Variants in CNTNAP5 observed in about 807,000 individuals in gnomAD.
CNTNAP5 encodes the protein contactin associated protein family member 5.
A neutral mutation model predicts 150.2 loss-of-function variants in CNTNAP5; 72 were observed. That is an observed-to-expected ratio of 0.48 (90% CI 0.40 to 0.58). The LOEUF is 0.58. CNTNAP5 is among the 20% of genes least tolerant of loss of function. The pLI is 0.00. For missense variants in CNTNAP5, 1,636 were observed against 1,626.2 expected, an observed-to-expected ratio of 1.01 and a Z score of -0.10; for synonymous variants, 672 against 619.8, an observed-to-expected ratio of 1.08 and a Z score of -1.25.
chr2:124,299,115 C>T (rs770341385), intron 3 of CNTNAP5, among the ~76,000 whole-genome samples: 28 of 152,090 alleles, frequency 1.8e-4, no homozygotes, highest in Non-Finnish European at 3.8e-4. Flanking sequence ...AGAGAGAATC[C>T]TGCTAGTATA....
chr2:124,075,537 G>C (rs917602445), intron 1 of CNTNAP5, among the ~76,000 whole-genome samples: 5 of 152,144 alleles, frequency 3.3e-5, no homozygotes, highest in Admixed American at 2.0e-4. Context: ...AAGGTCAGCT[G>C]TTTGGTCTCC....
chr2:124,173,905 C>T (rs1205721958), intron 1 of CNTNAP5, among the ~76,000 whole-genome samples: 2 of 152,130 alleles, frequency 1.3e-5, no homozygotes, highest in African/African-American at 2.4e-5. Flanking sequence ...AGAACAGGCT[C>T]TTTCTAGGGG....
chr2:124,606,791 C>T (rs139140653), intron 11 of CNTNAP5, among the ~76,000 whole-genome samples: 200 of 152,284 alleles, frequency 1.3e-3, no homozygotes, highest in African/African-American at 4.7e-3. Flanking sequence ...CGTTAACTAT[C>T]ATGAGAGCAG....
At chr2:124,740,746 C>A (rs967217180) in intron 13 of CNTNAP5, among the ~76,000 whole-genome samples, 6 of 152,272 alleles carry the variant, frequency 3.9e-5, no homozygotes, top group South Asian at 2.1e-4. Flanking sequence ...ATACAACATG[C>A]AGTCCTTATT....
At chr2:124,721,526 A>T (rs11123061) in intron 13 of CNTNAP5, among the ~76,000 whole-genome samples, 23,669 of 143,878 alleles carry the variant, frequency 0.16, 2,185 homozygotes, top group East Asian at 0.24. Flanking sequence ...AATAAATATT[A>T]AAAAAACAAA....
intron 14 of CNTNAP5, among the ~76,000 whole-genome samples, chr2:124,757,845 T>A (rs571698766): frequency 6.7e-4 from 102 of 152,238 alleles, no homozygotes; most frequent in South Asian, 1.0e-3. Flanking sequence ...TCTTATTTTT[T>A]AAAAAATAGT....
chr2:124,644,646 T>A (rs1210031440), intron 12 of CNTNAP5, among the ~76,000 whole-genome samples: 1 of 152,164 alleles, frequency 6.6e-6, no homozygotes, highest in Non-Finnish European at 1.5e-5. Context: ...TCAGATTGGA[T>A]GCACTGAGAC....
intron 1 of CNTNAP5, among the ~76,000 whole-genome samples, chr2:124,041,546 G>T (rs1681372502): frequency 6.6e-6 from 1 of 152,112 alleles, no homozygotes; most frequent in African/African-American, 2.4e-5. Flanking sequence ...TTTAGTTTGT[G>T]CTTCTTTTTT....
intron 1 of CNTNAP5, among the ~76,000 whole-genome samples, chr2:124,123,369 A>G (rs1683613889): frequency 6.6e-6 from 1 of 152,130 alleles, no homozygotes; most frequent in Non-Finnish European, 1.5e-5. Context: ...GGCGTCCACC[A>G]TTGCTGAGGC....
chr2:124,627,522 CAA>C (rs3039905), intron 12 of CNTNAP5, among the ~76,000 whole-genome samples: 21 of 132,008 alleles, frequency 1.6e-4, no homozygotes, highest in Admixed American at 3.1e-4. Context: ...ACAACAACAT[CAA>C]AAAAAAAAAA....
intron 5 of CNTNAP5, among the ~76,000 whole-genome samples, chr2:124,438,176 T>C (rs576991216): frequency 2.5e-4 from 38 of 152,316 alleles, no homozygotes; most frequent in African/African-American, 8.9e-4. Flanking sequence ...GGTTCCTCTT[T>C]GCCTACTTTC....
chr2:124,079,547 G>C (rs1360470681), intron 1 of CNTNAP5, among the ~76,000 whole-genome samples: 1 of 152,072 alleles, frequency 6.6e-6, no homozygotes, highest in South Asian at 2.1e-4. Context: ...TGTACAAATC[G>C]TTTCAAACAG....
chr2:124,617,894 C>T (rs1677523523), intron 12 of CNTNAP5, among the ~76,000 whole-genome samples: 1 of 152,094 alleles, frequency 6.6e-6, no homozygotes, highest in Non-Finnish European at 1.5e-5. Context: ...GATAATGCCT[C>T]TGAAACCTGA....
At position 124,434,536 on chromosome 2, in the gene CNTNAP5, T is replaced by C; in HGVS notation, c.582T>C (p.Asn194=). The change falls in exon 5 of 24, where the codon AAT becomes AAC. Residue 194 remains asparagine (N), a synonymous_variant. Transcript: ENST00000682447. ...GAAGCTCACTTCTGTACAGGTTCAA[T>C]CAGAAGTTGATGAGTACTCTCAAAG... ...DGRSSLLYRF[N]QKLMSTLKDV... 6.2e-7 allele frequency: 1 copy of C among 1,613,986 alleles called. No homozygotes were observed. Among genetic ancestry groups the C allele is most frequent in the Non-Finnish European group, 8.5e-7 (1 of 1,179,840 alleles).
intron 13 of CNTNAP5, among the ~76,000 whole-genome samples, chr2:124,652,000 C>A (rs1678333402): frequency 6.6e-6 from 1 of 152,184 alleles, no homozygotes; most frequent in Admixed American, 6.5e-5. Context: ...AAGAGACAGG[C>A]AGGATAAGGT....
intron 1 of CNTNAP5, among the ~76,000 whole-genome samples, chr2:124,217,868 T>A (rs889391095): frequency 6.6e-6 from 1 of 152,158 alleles, no homozygotes; most frequent in Non-Finnish European, 1.5e-5. Context: ...CTGGATATGA[T>A]GAAAATGACT....
intron 11 of CNTNAP5, among the ~76,000 whole-genome samples, chr2:124,598,726 G>A (rs10209617): frequency 0.42 from 62,876 of 149,408 alleles, 13,107 homozygotes; most frequent in East Asian, 0.79. Flanking sequence ...GGCAATGGCG[G>A]GCGCCCCTCC....
intron 4 of CNTNAP5, among the ~76,000 whole-genome samples, chr2:124,425,265 T>TA (rs1388751497): frequency 6.6e-6 from 1 of 152,150 alleles, no homozygotes; most frequent in African/African-American, 2.4e-5. Flanking sequence ...ATCTTTTTAT[T>TA]AAAAAAACAG....
At chr2:124,855,167 C>CTTTT (rs70999224) in intron 19 of CNTNAP5, among the ~76,000 whole-genome samples, 11 of 71,480 alleles carry the variant, frequency 1.5e-4, no homozygotes, top group Non-Finnish European at 2.8e-4. Context: ...TGGGCTTTTG[C>CTTTT]TTTTTTTTTT....
Sources: allele counts gnomAD v4.1 joint callset (sites outside exome capture counted in the v4.1 genomes callset), GRCh38; gene constraint gnomAD v4.1.1; transcripts MANE v1.5; gene names NCBI Gene and HGNC (gene_info 2026-07-23, HGNC 2026-07-21).